DKK4: variants seen among roughly 807,000 people sequenced by gnomAD.
The protein encoded by DKK4 is dickkopf-related protein 4.
In DKK4, 15 loss-of-function variants were observed where a neutral mutation model predicts 14.5. The observed-to-expected ratio is 1.03, with a 90% CI of 0.69 to 1.59. The LOEUF (loss-of-function observed/expected upper bound fraction) is 1.59, where lower values mean the gene tolerates loss of function less well. Ranked by LOEUF, DKK4 falls within the 40% of genes most tolerant of loss-of-function variation. The pLI, the probability that DKK4 is intolerant of heterozygous loss-of-function variation, is 0.00. For missense variants in DKK4, 272 were observed against 280.3 expected (o/e 0.97, Z 0.21); for synonymous variants, 89 against 105.2 (o/e 0.85, Z 0.94).
chr8:42,386,415 T>C, the DKK4 span, among the ~76,000 whole-genome samples: 1 of 152,306 alleles, frequency 6.6e-6, no homozygotes, highest in Non-Finnish European at 1.5e-5. Flanking sequence ...CCCATGGCTA[T>C]ACCACAACCC....
At chr8:42,381,810 CA>C (rs2130877824), upstream of DKK4, among the ~76,000 whole-genome samples, 1 of 152,222 alleles carries the variant, frequency 6.6e-6, no homozygotes, top group Admixed American at 6.5e-5. Flanking sequence ...CCAACCTGGC[CA>C]ACATGGTGAA....
At chr8:42,374,617 T>C in intron 3 of DKK4, 144 bp downstream of exon 3, 2 of 1,286,486 alleles carry the variant, frequency 1.6e-6, no homozygotes, top group South Asian at 1.4e-5. Flanking sequence ...CCACAGCTTC[T>C]TACAGAAAGA....
upstream of DKK4, among the ~76,000 whole-genome samples, chr8:42,381,056 T>C (rs11993621): frequency 0.26 from 39,986 of 151,128 alleles, 10,733 homozygotes; most frequent in African/African-American, 0.69. Context: ...AGAGGGGAGG[T>C]TGGGGGCCAC....
At chr8:42,390,570 A>C in the DKK4 span, among the ~76,000 whole-genome samples, 1 of 150,746 alleles carries the variant, frequency 6.6e-6, no homozygotes, top group African/African-American at 2.4e-5. Context: ...TCACTGTGTT[A>C]GCCAGGATGG....
the DKK4 span, among the ~76,000 whole-genome samples, chr8:42,384,366 C>A: frequency 6.6e-6 from 1 of 152,152 alleles, no homozygotes; most frequent in Admixed American, 6.5e-5. Context: ...TGGTCTTGAA[C>A]TCTTGGGCTC....
In DKK4 at chr8:42,375,819, G is replaced by T; in HGVS notation, c.123C>A (p.Cys41Ter). ...TGGTATTGCAGTCCGTGTCAGACAGGCACTGTGAGCCCTGTGGAGGGAATC... is the reference window on the plus strand; with the variant it reads ...TGGTATTGCAGTCCGTGTCAGACAGTCACTGTGAGCCCTGTGGAGGGAATC... ...DLHGARKGSQ[C>*]LSDTDCNTRK... The change falls in exon 2 of 4, where the codon TGC (cysteine) becomes TGA (stop). Residue 41 changes from cysteine (C) to a stop codon, truncating the protein, a stop_gained. Coordinates refer to ENST00000220812, the MANE Select transcript of DKK4 (RefSeq NM_014420.3). LOFTEE classifies it high-confidence loss of function. 1 of 1,614,008 alleles carries T rather than the reference G, an allele frequency of 6.2e-7. No homozygotes were observed. The highest frequency in any genetic ancestry group is 1.3e-5 in the African/African-American group (1 of 75,036).
At chr8:42,375,627 G>T in intron 2 of DKK4, 53 bp downstream of exon 2, 1 of 1,604,276 alleles carries the variant, frequency 6.2e-7, no homozygotes. Flanking sequence ...TAGTCTATGG[G>T]GCTTAGACAC....
the DKK4 span, among the ~76,000 whole-genome samples, chr8:42,388,486 T>C: frequency 6.6e-6 from 1 of 151,492 alleles, no homozygotes. Flanking sequence ...CGCCCGAGCC[T>C]CCCAAAGTGC....
chr8:42,378,721 G>A (rs1209405414), upstream of DKK4, among the ~76,000 whole-genome samples: 9 of 151,942 alleles, frequency 5.9e-5, no homozygotes, highest in African/African-American at 1.5e-4. Context: ...AAGAACTGAC[G>A]GGAACTCCTG....
upstream of DKK4, among the ~76,000 whole-genome samples, chr8:42,379,601 C>T (rs78258271): frequency 5.8e-4 from 88 of 151,552 alleles, no homozygotes; most frequent in Non-Finnish European, 7.7e-4. Flanking sequence ...TAAATACAGA[C>T]GAAGGCATGA....
upstream of DKK4, among the ~76,000 whole-genome samples, chr8:42,378,601 A>G (rs950468430): frequency 6.6e-6 from 1 of 152,152 alleles, no homozygotes; most frequent in Non-Finnish European, 1.5e-5. Context: ...GACCAAGGAT[A>G]AAGGAAAGAG....
the DKK4 span, among the ~76,000 whole-genome samples, chr8:42,384,733 G>A: frequency 6.6e-6 from 1 of 151,926 alleles, no homozygotes. Context: ...TCTGCCACAG[G>A]CCCACAACGA....
At chr8:42,385,398 A>G in the DKK4 span, among the ~76,000 whole-genome samples, 1 of 152,110 alleles carries the variant, frequency 6.6e-6, no homozygotes, top group Admixed American at 6.5e-5. Context: ...TCTCAAAAAA[A>G]GAGAAAAAAA....
the DKK4 span, among the ~76,000 whole-genome samples, chr8:42,388,416 G>T: frequency 7.2e-5 from 11 of 151,932 alleles, no homozygotes; most frequent in African/African-American, 2.7e-4. Flanking sequence ...TTTTAGTAGA[G>T]ACGGGGTTTC....
intron 1 of DKK4, 109 bp from the exon 2 acceptor site, chr8:42,375,939 A>G: frequency 7.2e-7 from 1 of 1,387,720 alleles, no homozygotes; most frequent in South Asian, 1.4e-5. Context: ...TGGCGCTGTG[A>G]CAAACCCTGG....
Position 42,377,055 on chromosome 8 carries a change from C to G in DKK4, c.-10G>C, listed in dbSNP as rs1324590667. On this transcript the variant is annotated 5_prime_UTR_variant, in exon 1 of 4. Coordinates refer to ENST00000220812, the MANE Select transcript of DKK4 (RefSeq NM_014420.3). ...GGACGGCCGCCACCATCCTTCAATC[C>G]CGGGGCTCCTGGAGGGTCCCAGCAC... 6.2e-7 allele frequency: 1 copy of G among 1,610,876 alleles called. No homozygotes were observed. The highest frequency in any genetic ancestry group is 1.3e-5 in the African/African-American group (1 of 75,010).
the DKK4 span, among the ~76,000 whole-genome samples, chr8:42,387,443 C>G: frequency 2.7e-5 from 4 of 148,858 alleles, no homozygotes; most frequent in Admixed American, 2.7e-4. Flanking sequence ...ATGCAATCAC[C>G]ACCTCCCGGG....
chr8:42,379,408 GAGAGAGAGAGAGAGAGAGAA>G (rs1824629293), upstream of DKK4, among the ~76,000 whole-genome samples: 1 of 131,036 alleles, frequency 7.6e-6, no homozygotes, highest in Non-Finnish European at 1.7e-5. Context: ...GAGAGAGAGA[GAGAGAGAGAGAGAGAGAGAA>G]AGATTCAGAC....
upstream of DKK4, among the ~76,000 whole-genome samples, chr8:42,379,586 A>G (rs372094465): frequency 1.1e-4 from 17 of 151,978 alleles, no homozygotes; most frequent in African/African-American, 4.1e-4. Context: ...GGACTTATGA[A>G]GATATAAATA....
Sources: gnomAD v4.1 joint callset for allele counts (sites outside exome capture counted in the v4.1 genomes callset) on GRCh38, gnomAD v4.1.1 for gene constraint, MANE v1.5 for transcripts, NCBI Gene and HGNC (gene_info 2026-07-23, HGNC 2026-07-21) for gene names.